TMTC1: variants seen among roughly 807,000 people sequenced by gnomAD.
TMTC1 encodes protein O-mannosyl-transferase TMTC1.
A neutral mutation model predicts 104.8 loss-of-function variants in TMTC1; 73 were observed. The observed-to-expected ratio is 0.70, with a 90% CI of 0.58 to 0.85. The LOEUF (loss-of-function observed/expected upper bound fraction) is 0.85, where lower values mean the gene tolerates loss of function less well. TMTC1 is among the 40% of genes least tolerant of loss of function. The pLI, the probability that TMTC1 is intolerant of heterozygous loss-of-function variation, is 0.00. For missense variants in TMTC1, 1,035 were observed against 1,096.1 expected (o/e 0.94, Z 0.79); for synonymous variants, 434 against 428.7 (o/e 1.01, Z -0.15).
chr12:29,573,836 T>C (rs534093537), intron 8 of TMTC1, among the ~76,000 whole-genome samples: 1 of 152,202 alleles, frequency 6.6e-6, no homozygotes, highest in African/African-American at 2.4e-5. Context: ...CTCAGGGGGT[T>C]ATCTGAAGAG....
chr12:29,598,364 A>G (rs1473923801), intron 7 of TMTC1, among the ~76,000 whole-genome samples: 1 of 152,234 alleles, frequency 6.6e-6, no homozygotes, highest in Non-Finnish European at 1.5e-5. Context: ...AATAAATCCT[A>G]CAGAATTGTT....
rs777330057 is a variant in TMTC1, at chr12:29,536,225, G to A, written c.1769C>T (p.Ser590Leu). Residue 590 changes from serine to leucine, a missense_variant, in exon 11 of 18, where the codon TCG becomes TTG. By Grantham distance (145) the Ser-to-Leu change is moderately radical. Transcript: ENST00000539277. ...EFADAYSSLA[S>L]LLAEQERFKE... ...AACAATTACCTGCTCAGCCAATAACGAAGCTAAGCTTGAATATGCATCTGC... is the reference window on the plus strand; with the variant it reads ...AACAATTACCTGCTCAGCCAATAACAAAGCTAAGCTTGAATATGCATCTGC... The A allele has an allele frequency of 3.7e-6, 6 of 1,608,286 alleles. No individual in the cohort carries two copies. The highest frequency in any genetic ancestry group is 4.5e-5 in the East Asian group (2 of 44,806).
At chr12:29,623,467 A>G (rs1052969622) in intron 6 of TMTC1, among the ~76,000 whole-genome samples, 1 of 152,226 alleles carries the variant, frequency 6.6e-6, no homozygotes, top group Admixed American at 6.5e-5. Context: ...TGGAGAAGAA[A>G]CAAAGATTAT....
chr12:29,534,954 C>T (rs1474425782), intron 11 of TMTC1: 5 of 152,170 alleles, frequency 3.3e-5, no homozygotes. Context: ...GATATAGTAA[C>T]ATTTGGTCAG....
chr12:29,720,529 T>G (rs1942208038), intron 5 of TMTC1, among the ~76,000 whole-genome samples: 1 of 152,018 alleles, frequency 6.6e-6, no homozygotes, highest in Admixed American at 6.6e-5. Context: ...AATATTAAAT[T>G]CTATGGACAG....
Position 29,612,568 on chromosome 12 carries a change from T to C in TMTC1, c.1129-8269A>G, listed in dbSNP as rs185646766. 2.3e-3 allele frequency among the ~76,000 whole-genome samples: 351 copies of C among 152,234 alleles called. 1 individual carries two copies. Among genetic ancestry groups the C allele is most frequent in the Non-Finnish European group, 3.9e-3 (265 of 68,004 alleles). ...TTGGGATTACAGACATGTGCCATCA[T>C]GCCTGACTAATTTTTGTATTTTTTT... On this transcript the variant is annotated intron_variant, in intron 6 of 17. Transcript: ENST00000539277.
At chr12:29,715,286 A>T (rs1429540126) in intron 5 of TMTC1, among the ~76,000 whole-genome samples, 1 of 152,204 alleles carries the variant, frequency 6.6e-6, no homozygotes, top group Non-Finnish European at 1.5e-5. Flanking sequence ...TCAAAGAATT[A>T]GGAGATTTTT....
In TMTC1 at chr12:29,680,410, A is replaced by C. The variant is rs142742946; in HGVS notation, c.939-47074T>G. On this transcript the variant is annotated intron_variant, in intron 5 of 17. Coordinates refer to ENST00000539277, the MANE Select transcript of TMTC1 (RefSeq NM_001193451.2). ...GTTTCCAGGTCGGAGGTAGAAAATAAATAAGATGAGGCTGGGTGTGGTGGC... is the reference window on the plus strand; with the variant it reads ...GTTTCCAGGTCGGAGGTAGAAAATACATAAGATGAGGCTGGGTGTGGTGGC... Among the ~76,000 whole-genome samples the C allele has an allele frequency of 3.9e-5, 6 of 152,300 alleles. No individual in the cohort carries two copies. The East Asian group carries it at 1.2e-3, about 29-fold the overall frequency.
At chr12:29,770,212 A>G (rs1943565021) in intron 1 of TMTC1, among the ~76,000 whole-genome samples, 1 of 152,226 alleles carries the variant, frequency 6.6e-6, no homozygotes, top group African/African-American at 2.4e-5. Context: ...GAAAAGCATC[A>G]TTAAAGATGG....
At position 29,771,387 on chromosome 12, in the gene TMTC1, G is replaced by A. The variant is rs551753110; in HGVS notation, c.303-3312C>T. Among the ~76,000 whole-genome samples the A allele has an allele frequency of 1.2e-4, 18 of 152,182 alleles. 1 individual carries two copies. Among genetic ancestry groups the A allele is most frequent in the South Asian group, 6.2e-4 (3 of 4,826 alleles). The stretch of plus-strand genomic sequence containing the variant: ...ATTGCCCTATGTACACAGAGTTAAC[G>A]TGTGTCAGTTATCAAAACAGACCAA... On this transcript the variant is annotated intron_variant, in intron 1 of 17. Coordinates refer to ENST00000539277, the MANE Select transcript of TMTC1 (RefSeq NM_001193451.2).
chr12:29,643,700 T>TATATATAATATATAAA (rs376453734), intron 5 of TMTC1, among the ~76,000 whole-genome samples: 4 of 1,324 alleles, frequency 3.0e-3, no homozygotes, highest in African/African-American at 9.3e-3. Context: ...ATTATATATA[T>TATATATAATATATAAA]TATATATTAT....
At chr12:29,739,966 G>A (rs141662635) in intron 5 of TMTC1, among the ~76,000 whole-genome samples, 4,626 of 151,888 alleles carry the variant, frequency 0.03, 111 homozygotes, top group Non-Finnish European at 0.048. Context: ...TCAGCCTCCC[G>A]AAGTGCTGGG....
intron 5 of TMTC1, among the ~76,000 whole-genome samples, chr12:29,708,644 T>G (rs11613653): frequency 1.2e-3 from 190 of 152,334 alleles, no homozygotes; most frequent in Middle Eastern, 3.4e-3. Context: ...CAACACCAAC[T>G]GCTGACTGGC....
intron 5 of TMTC1, among the ~76,000 whole-genome samples, chr12:29,654,603 G>A (rs1213555100): frequency 6.6e-6 from 1 of 151,868 alleles, no homozygotes; most frequent in Admixed American, 6.6e-5. Flanking sequence ...CCACTCCTAG[G>A]TACATACTCA....
At chr12:29,568,656 G>C (rs886201868) in intron 9 of TMTC1, 17 of 194,138 alleles carry the variant, frequency 8.8e-5, no homozygotes, top group African/African-American at 3.0e-4. Flanking sequence ...TGCTTAATTT[G>C]TTTTATGATT....
chr12:29,522,028 A>G (rs1944183183), intron 11 of TMTC1, among the ~76,000 whole-genome samples: 1 of 152,224 alleles, frequency 6.6e-6, no homozygotes, highest in Non-Finnish European at 1.5e-5. Flanking sequence ...TGCGATGGTC[A>G]TGTAAAATAA....
chr12:29,763,161 T>C (rs1169043997), intron 2 of TMTC1, among the ~76,000 whole-genome samples: 1 of 152,136 alleles, frequency 6.6e-6, no homozygotes, highest in African/African-American at 2.4e-5. Flanking sequence ...TTGCAGCCAG[T>C]TTGGAAGAGA....
chr12:29,752,077 G>A (rs1405503956), intron 4 of TMTC1, among the ~76,000 whole-genome samples: 3 of 151,504 alleles, frequency 2.0e-5, no homozygotes, highest in South Asian at 2.1e-4. Context: ...AGACCTTATC[G>A]TATTGACCTA....
At chr12:29,535,229 T>C (rs1179643281) in intron 11 of TMTC1, 1 of 152,216 alleles carries the variant, frequency 6.6e-6, no homozygotes, top group Non-Finnish European at 1.5e-5. Context: ...ACTGCCAGTG[T>C]ATAGCACAGA....
Sources: allele counts gnomAD v4.1 joint callset (sites outside exome capture counted in the v4.1 genomes callset), GRCh38; gene constraint gnomAD v4.1.1; transcripts MANE v1.5; gene names NCBI Gene and HGNC (gene_info 2026-07-23, HGNC 2026-07-21).